The following SPDYE21 variants were observed in gnomAD, a reference collection of about 807,000 sequenced individuals.
SPDYE21 encodes the protein speedy protein E21.
In SPDYE21, 14 loss-of-function variants were observed where a neutral mutation model predicts 36.2. The observed-to-expected ratio is 0.39, with a 90% CI of 0.26 to 0.61. The LOEUF is 0.61. SPDYE21 is among the 20% of genes least tolerant of loss of function. SPDYE21 has a pLI of 0.55. For synonymous variants in SPDYE21, 58 were observed against 155.1 expected (o/e 0.37, Z 4.65); for missense variants, 233 against 424.6 (o/e 0.55, Z 3.97).
Position 67,287,608 on chromosome 7 carries a change from G to A in SPDYE21, c.*136G>A, listed in dbSNP as rs1394275072. Among the ~76,000 whole-genome samples, 1 of 148,948 alleles carries A rather than the reference G, an allele frequency of 6.7e-6. No homozygotes were observed. Among genetic ancestry groups the A allele is most frequent in the Non-Finnish European group, 1.5e-5 (1 of 67,608 alleles). ...CCAGGAAGGAGAAGAGGAACCATTT[G>A]TGCAGATCATCTAGAAGAACCTGGA... On this transcript the variant is annotated 3_prime_UTR_variant, in exon 9 of 9. Coordinates refer to ENST00000424157, the MANE Select transcript of SPDYE21 (RefSeq NM_001382715.2).
At position 67,282,734 on chromosome 7, in the gene SPDYE21, T is replaced by C. The variant is rs1214002274; in HGVS notation, c.669+41T>C. On this transcript the variant is annotated intron_variant, in intron 5 of 8. Transcript: ENST00000424157. ...ATGTAACTGTTCCTGTTCCAACACA[T>C]GGCTGGGGGGAGGGCGCAGCTTCCA... is the stretch of plus-strand genomic sequence containing the variant. 6 of 1,046,850 alleles carry C rather than the reference T, an allele frequency of 5.7e-6. 1 individual carries two copies. Among genetic ancestry groups the C allele is most frequent in the Non-Finnish European group, 7.8e-6 (6 of 767,322 alleles). The allele number at this position is 1,046,850 out of a possible 1,614,324, so 64.8% of individuals were successfully genotyped here. A position where few individuals can be genotyped will look rare whatever the true frequency, so the allele number is the denominator to read the frequency against.
At chr7:67,283,125 C>G (rs1441237844) in intron 5 of SPDYE21, among the ~76,000 whole-genome samples, 1 of 151,766 alleles carries the variant, frequency 6.6e-6, no homozygotes, top group African/African-American at 2.4e-5. Context: ...GGTCTTGAGT[C>G]TTGGCACCCA....
chr7:67,286,706 C>T, intron 8 of SPDYE21, among the ~76,000 whole-genome samples, 42 bp downstream of exon 8: 1 of 152,016 alleles, frequency 6.6e-6, no homozygotes, highest in Non-Finnish European at 1.5e-5. Flanking sequence ...ATATTGGGGT[C>T]TATTTCGGAA....
chr7:67,283,640 A>T (rs185563707), intron 5 of SPDYE21, among the ~76,000 whole-genome samples: 6 of 151,994 alleles, frequency 3.9e-5, no homozygotes, highest in African/African-American at 1.5e-4. Context: ...GACCCTCCTG[A>T]CACCAGCCGA....
At chr7:67,284,935 C>T (rs756299823) in intron 6 of SPDYE21, among the ~76,000 whole-genome samples, 3,382 of 138,956 alleles carry the variant, frequency 0.024, no homozygotes, top group African/African-American at 0.1. Flanking sequence ...TTTCCTGGCT[C>T]GGCTTCACTG....
chr7:67,282,244 CTT>C (rs1485084387), intron 4 of SPDYE21, among the ~76,000 whole-genome samples: 1 of 152,194 alleles, frequency 6.6e-6, no homozygotes, highest in East Asian at 1.9e-4. Context: ...CTCTTACTGA[CTT>C]TTCTAAACCT....
At position 67,282,545 on chromosome 7, in the gene SPDYE21, T is replaced by G; in HGVS notation, c.611-90T>G. The stretch of plus-strand genomic sequence containing the variant: ...CACCCGCGGCCACAATCCTGAGACT[T>G]CCCCCCGGGAGGCACACTTCTCGCT... On this transcript the variant is annotated intron_variant, in intron 4 of 8. Transcript: ENST00000424157. 2.5e-6 allele frequency: 4 copies of G among 1,582,932 alleles called. No homozygotes were observed. The South Asian group carries it at 3.3e-5, about 13-fold the overall frequency.
At chr7:67,279,511 A>G (rs1802595439) in intron 2 of SPDYE21, among the ~76,000 whole-genome samples, 1 of 151,908 alleles carries the variant, frequency 6.6e-6, no homozygotes. Context: ...CTGAGATTGC[A>G]CCACTACACT....
At chr7:67,277,697 T>A (rs1802563879) in intron 1 of SPDYE21, among the ~76,000 whole-genome samples, 1 of 151,782 alleles carries the variant, frequency 6.6e-6, no homozygotes, top group South Asian at 2.1e-4. Flanking sequence ...GTGCTGGGAT[T>A]ACAAGCATGA....
Position 67,278,862 on chromosome 7 carries a change from TG to T in SPDYE21, c.152del (p.Gly51AspfsTer7), listed in dbSNP as rs1382684116. On this transcript the variant is annotated frameshift_variant, in exon 2 of 9. Transcript: ENST00000424157. LOFTEE classifies it high-confidence loss of function. ...CAGGAGGTGGTGGATGATGAAGTGT[TG>T]GGACCATCAGGTGAGGGGACTGGTG... is the stretch of plus-strand genomic sequence containing the variant. ...PLQEVVDDEV[L>X]GPSAPGVDPS... Among the ~76,000 whole-genome samples the T allele has an allele frequency of 1.3e-5, 2 of 150,924 alleles. No homozygotes were observed. The highest frequency in any genetic ancestry group is 2.1e-4 in the South Asian group (1 of 4,776).
chr7:67,285,879 G>C (rs1442622965), intron 6 of SPDYE21, among the ~76,000 whole-genome samples, 165 bp from the exon 7 acceptor site: 3 of 152,050 alleles, frequency 2.0e-5, no homozygotes, highest in Non-Finnish European at 4.4e-5. Context: ...CCCTTGATCA[G>C]GTCTCTGTCC....
intron 1 of SPDYE21, among the ~76,000 whole-genome samples, chr7:67,277,491 C>A (rs1802560258): frequency 6.6e-6 from 1 of 152,178 alleles, no homozygotes; most frequent in African/African-American, 2.4e-5. Flanking sequence ...TCATAGCTCA[C>A]TGCAGCTTCT....
intron 7 of SPDYE21, among the ~76,000 whole-genome samples, 29 bp from the exon 8 acceptor site, chr7:67,286,531 G>A (rs1170772134): frequency 3.3e-5 from 5 of 151,822 alleles, no homozygotes; most frequent in South Asian, 4.2e-4. Context: ...GCGAGTCCCC[G>A]TCTTCTCAAA....
At chr7:67,280,319 T>C (rs1802609218) in intron 3 of SPDYE21, among the ~76,000 whole-genome samples, 1 of 151,842 alleles carries the variant, frequency 6.6e-6, no homozygotes, top group South Asian at 2.1e-4. Context: ...GGCAAGAGGA[T>C]TGCTTGAACT....
At chr7:67,279,757 G>C (rs1325966233) in intron 2 of SPDYE21, 61 bp from the exon 3 acceptor site, 1 of 1,593,000 alleles carries the variant, frequency 6.3e-7, no homozygotes, top group African/African-American at 1.3e-5. Flanking sequence ...GGGGTTTTGG[G>C]TCGGGGTCTA....
chr7:67,281,833 G>A (rs1243730378), intron 4 of SPDYE21, among the ~76,000 whole-genome samples: 2 of 152,136 alleles, frequency 1.3e-5, no homozygotes, highest in South Asian at 2.1e-4. Context: ...CGGGCCAGGC[G>A]CAGTGGCTCC....
At chr7:67,286,718 T>A (rs1385309809) in intron 8 of SPDYE21, among the ~76,000 whole-genome samples, 54 bp downstream of exon 8, 5 of 151,874 alleles carry the variant, frequency 3.3e-5, no homozygotes, top group Admixed American at 3.3e-4. Context: ...ATTTCGGAAA[T>A]CCGAAGAACC....
At chr7:67,284,841 CT>C (rs1211606614) in intron 6 of SPDYE21, among the ~76,000 whole-genome samples, 2 of 151,894 alleles carry the variant, frequency 1.3e-5, no homozygotes, top group Non-Finnish European at 2.9e-5. Context: ...TAGCTGATGC[CT>C]TTCTCTATCG....
At chr7:67,279,245 G>A (rs1218908215) in intron 2 of SPDYE21, among the ~76,000 whole-genome samples, 10 of 146,288 alleles carry the variant, frequency 6.8e-5, no homozygotes, top group Non-Finnish European at 4.5e-5. Flanking sequence ...ACCTGAGGAG[G>A]GTGTGTGGGA....
Sources: allele counts gnomAD v4.1 joint callset (sites outside exome capture counted in the v4.1 genomes callset), GRCh38; gene constraint gnomAD v4.1.1; transcripts MANE v1.5; gene names NCBI Gene and HGNC (gene_info 2026-07-23, HGNC 2026-07-21).